The following S100A2 variants were observed in gnomAD, a reference collection of about 807,000 sequenced individuals.
S100A2 encodes the protein protein S100-A2.
A neutral mutation model predicts 4.3 loss-of-function variants in S100A2; 5 were observed. The observed-to-expected ratio is 1.16, with a 90% CI of 0.61 to 2.44. S100A2 has a LOEUF of 2.44. Ranked by LOEUF, S100A2 falls within the 30% of genes most tolerant of loss-of-function variation. S100A2 has a pLI of 0.01. For synonymous variants in S100A2, 44 were observed against 46.0 expected (o/e 0.96, Z 0.17); for missense variants, 103 against 114.7 (o/e 0.90, Z 0.47).
At chr1:153,562,139 T>C (rs1415702084) in intron 2 of S100A2, among the ~76,000 whole-genome samples, 1 of 152,080 alleles carries the variant, frequency 6.6e-6, no homozygotes, top group Non-Finnish European at 1.5e-5. Context: ...TTGTTTATTT[T>C]TAGTAGAGAC....
At position 153,561,499 on chromosome 1, in the gene S100A2, G is replaced by A. The variant is rs1187576564; in HGVS notation, c.237C>T (p.Phe79=). The stretch of plus-strand genomic sequence containing the variant: ...TGCACATGACAGTGATGAGTGCCAG[G>A]AAAACAGCATACTCCTGGAAGTCCA... The part of the protein sequence containing the change: ...QQVDFQEYAV[F]LALITVMCND... Residue 79 remains phenylalanine, a synonymous_variant, in exon 3 of 3, where the codon TTC becomes TTT. Coordinates refer to ENST00000368708, the MANE Select transcript of S100A2 (RefSeq NM_005978.4). 1 of 1,614,168 alleles carries A rather than the reference G, an allele frequency of 6.2e-7. No homozygotes were observed.
At position 153,561,577 on chromosome 1, in the gene S100A2, C is replaced by T. The variant is rs1257511534; in HGVS notation, c.159G>A (p.Glu53=). 2 of 1,614,078 alleles carry T rather than the reference C, an allele frequency of 1.2e-6. No individual in the cohort carries two copies. The highest frequency in any genetic ancestry group is 3.3e-5 in the Admixed American group (2 of 60,006). ...LPSFVGEKVD[E]EGLKKLMGSL... ...TGCCCATCAGCTTCTTCAGCCCCTCCTCATCCACTTTCTCCTGAAAGTGAC... is the reference window on the plus strand; with the variant it reads ...TGCCCATCAGCTTCTTCAGCCCCTCTTCATCCACTTTCTCCTGAAAGTGAC... The change falls in exon 3 of 3, where the codon GAG becomes GAA. Residue 53 remains glutamate, a synonymous_variant. Transcript: ENST00000368708.
chr1:153,563,202 T>A (rs1665932909), intron 2 of S100A2, among the ~76,000 whole-genome samples: 1 of 151,874 alleles, frequency 6.6e-6, no homozygotes, highest in Admixed American at 6.6e-5. Context: ...TGAAACCCTG[T>A]CTCTACTAAA....
chr1:153,562,613 G>A (rs1440385341), intron 2 of S100A2, among the ~76,000 whole-genome samples: 5 of 152,150 alleles, frequency 3.3e-5, no homozygotes, highest in Non-Finnish European at 5.9e-5. Flanking sequence ...ATTGAAGGTC[G>A]ATGCATTTCT....
At chr1:153,565,311 CAAA>C (rs57778287) in intron 1 of S100A2, among the ~76,000 whole-genome samples, 192 bp downstream of exon 1, 4 of 46,748 alleles carry the variant, frequency 8.6e-5, no homozygotes, top group Admixed American at 2.1e-4. Context: ...GACTCCATCT[CAAA>C]AAAAAAAAAA....
At position 153,561,398 on chromosome 1, in the gene S100A2, T is replaced by C. The variant is rs768444067; in HGVS notation, c.*41A>G. 2.4e-5 allele frequency: 38 copies of C among 1,600,246 alleles called. No homozygotes were observed. Among genetic ancestry groups the C allele is most frequent in the Non-Finnish European group, 3.2e-5 (37 of 1,170,528 alleles). On this transcript the variant is annotated 3_prime_UTR_variant, in exon 3 of 3. Coordinates refer to ENST00000368708, the MANE Select transcript of S100A2 (RefSeq NM_005978.4). The stretch of plus-strand genomic sequence containing the variant: ...CAAAACTCAAAGGCATCAACAGTCC[T>C]GGGCCCAAGAGATCCATGGCAGGAA...
At chr1:153,565,241 G>C (rs1665982912) in intron 1 of S100A2, among the ~76,000 whole-genome samples, 1 of 151,024 alleles carries the variant, frequency 6.6e-6, no homozygotes. Context: ...GAACCTGGGA[G>C]GGGGAGTTTG....
chr1:153,561,210 G>T lies in S100A2; in HGVS notation c.*229C>A. 1 of 422,778 alleles carries T rather than the reference G, an allele frequency of 2.4e-6. No individual in the cohort carries two copies. The highest frequency in any genetic ancestry group is 4.1e-6 in the Non-Finnish European group (1 of 243,124). 26.2% of individuals were successfully genotyped at this position (422,778 alleles called of 1,614,324 possible). A position where few individuals can be genotyped will look rare whatever the true frequency, so the allele number is the denominator to read the frequency against. On this transcript the variant is annotated 3_prime_UTR_variant, in exon 3 of 3. Transcript: ENST00000368708. ...TGAAATTCCAAAATTGAGACCTAAA[G>T]CATAGCTCTGGCCTTGGAGAGATTT...
chr1:153,561,625 C>T, intron 2 of S100A2, 34 bp from the exon 3 acceptor site: 2 of 1,613,656 alleles, frequency 1.2e-6, no homozygotes, highest in Non-Finnish European at 1.7e-6. Flanking sequence ...CATCACCAAG[C>T]CAGCCCCAAC....
At chr1:153,563,381 A>G in intron 2 of S100A2, 2 of 1,526,636 alleles carry the variant, frequency 1.3e-6, no homozygotes, top group Non-Finnish European at 1.8e-6. Flanking sequence ...TCAAAAAAAA[A>G]AAAAAGAAAA....
chr1:153,561,443 G>C lies in S100A2; in HGVS notation c.293C>G (p.Pro98Arg), dbSNP rs1164410793. Residue 98 changes from proline (P) to arginine (R), a missense_variant, in exon 3 of 3, where the codon CCC becomes CGC. Coordinates refer to ENST00000368708, the MANE Select transcript of S100A2 (RefSeq NM_005978.4). ...CAGGAAGTCAAGAGTTCTGCTTCAG[G>C]GTCGGTCTGGGCAGCCCTGGAAGAA... is the stretch of plus-strand genomic sequence containing the variant. ...NDFFQGCPDR[P>R] The C allele has an allele frequency of 1.2e-6, 2 of 1,612,192 alleles. No homozygotes were observed. Among genetic ancestry groups the C allele is most frequent in the South Asian group, 2.2e-5 (2 of 91,022 alleles).
chr1:153,564,474 C>G (rs950647917), intron 1 of S100A2, among the ~76,000 whole-genome samples: 1 of 152,182 alleles, frequency 6.6e-6, no homozygotes, highest in Non-Finnish European at 1.5e-5. Context: ...ATGTGTCTCC[C>G]CTCACCCTGA....
Position 153,561,306 on chromosome 1 carries a change from A to G in S100A2, c.*133T>C, listed in dbSNP as rs1005211287. 4 of 1,149,890 alleles carry G rather than the reference A, an allele frequency of 3.5e-6. No homozygotes were observed. In the East Asian group the frequency reaches 9.7e-5, roughly 28 times the overall value. 71.2% of individuals were successfully genotyped at this position (1,149,890 alleles called of 1,614,324 possible). A position where few individuals can be genotyped will look rare whatever the true frequency, so the allele number is the denominator to read the frequency against. ...CATCTCCCAGCACTCCAGCTGAGCC[A>G]GCCGGGTTATGGAACATCACTGAGC... On this transcript the variant is annotated 3_prime_UTR_variant, in exon 3 of 3. Transcript: ENST00000368708.
chr1:153,563,117 T>C lies in S100A2; in HGVS notation c.144+617A>G, dbSNP rs537567665. On this transcript the variant is annotated intron_variant, in intron 2 of 2. Coordinates refer to ENST00000368708, the MANE Select transcript of S100A2 (RefSeq NM_005978.4). ...GATGAAACCCCGTCTCTACTAAAAA[T>C]ACAAAAATCACTTTGGGAAGCCGAG... 1.0e-3 allele frequency among the ~76,000 whole-genome samples: 148 copies of C among 142,632 alleles called. 2 individuals carry two copies. Among genetic ancestry groups the C allele is most frequent in the Middle Eastern group, 3.6e-3 (1 of 280 alleles). 93.6% of individuals were successfully genotyped at this position (142,632 alleles called of 152,430 possible).
intron 2 of S100A2, 161 bp downstream of exon 2, chr1:153,563,573 G>A (rs552210146): frequency 1.7e-5 from 26 of 1,552,566 alleles, no homozygotes; most frequent in Admixed American, 7.8e-5. Context: ...ACTCCCACTC[G>A]GGCCTCATTT....
intron 2 of S100A2, among the ~76,000 whole-genome samples, chr1:153,562,992 G>A (rs901033186): frequency 1.4e-5 from 2 of 145,872 alleles, no homozygotes; most frequent in African/African-American, 5.0e-5. Context: ...AAAAAAAGGA[G>A]TCCGGGCACG....
chr1:153,563,688 C>T (rs758842331), intron 2 of S100A2, 46 bp downstream of exon 2: 7 of 1,597,810 alleles, frequency 4.4e-6, no homozygotes, highest in South Asian at 1.1e-5. Flanking sequence ...TAACCTGCAC[C>T]CCCACACTCA....
chr1:153,564,754 G>A lies in S100A2; in HGVS notation c.-11+752C>T, dbSNP rs1405770933. Among the ~76,000 whole-genome samples the A allele has an allele frequency of 2.1e-5, 3 of 145,426 alleles. No individual in the cohort carries two copies. In the East Asian group the frequency reaches 6.3e-4, roughly 30 times the overall value. On this transcript the variant is annotated intron_variant, in intron 1 of 2. Transcript: ENST00000368708. ...CCATCATGCCAGCCCTGCCTTCACC[G>A]AGGCAGGGGGCAGAGCTTTGCTGCT...
At chr1:153,563,938 G>A in intron 1 of S100A2, 51 bp from the exon 2 acceptor site, 1 of 1,573,290 alleles carries the variant, frequency 6.4e-7, no homozygotes, top group Non-Finnish European at 8.6e-7. Flanking sequence ...TGGGGCCTTA[G>A]CTCAGCCTGT....
Sources: allele counts gnomAD v4.1 joint callset (sites outside exome capture counted in the v4.1 genomes callset), GRCh38; gene constraint gnomAD v4.1.1; transcripts MANE v1.5; gene names NCBI Gene and HGNC (gene_info 2026-07-23, HGNC 2026-07-21).